The following NF1 variants were observed in gnomAD, a reference collection of about 807,000 sequenced individuals.
NF1 encodes neurofibromin.
A neutral mutation model predicts 325.7 loss-of-function variants in NF1; 122 were observed. The ratio of observed to expected loss-of-function variants is 0.37; its 90% CI spans 0.32 to 0.44. The LOEUF (loss-of-function observed/expected upper bound fraction) is 0.44, where lower values mean the gene tolerates loss of function less well. Among genes scored for constraint, NF1 ranks in the 20% least tolerant of loss-of-function variants. NF1 has a pLI of 1.00. For missense variants in NF1, 2,140 were observed against 3,415.4 expected, an observed-to-expected ratio of 0.63 and a Z score of 9.31; for synonymous variants, 1,091 against 1,186.0, an observed-to-expected ratio of 0.92 and a Z score of 1.65.
rs772807850 is a variant in NF1 at position 31,349,261 on chromosome 17, CAAAAT to C, written c.7321+14_7321+18del. 30 of 1,609,636 alleles carry C rather than the reference CAAAAT, an allele frequency of 1.9e-5. No individual in the cohort carries two copies. The highest frequency in any genetic ancestry group is 3.3e-5 in the Admixed American group (2 of 59,890). The stretch of plus-strand genomic sequence containing the variant: ...GTGGCCTACTTAGCAGGTAAAAACA[CAAAAT>C]AAACAAAATTAATCTTGCTACATCT... On this transcript the variant is annotated intron_variant, in intron 49 of 57. Coordinates refer to ENST00000358273, the MANE Select transcript of NF1 (RefSeq NM_001042492.3).
At chr17:31,186,680 A>G (rs1013290104) in intron 8 of NF1, among the ~76,000 whole-genome samples, 1 of 152,252 alleles carries the variant, frequency 6.6e-6, no homozygotes, top group African/African-American at 2.4e-5. Flanking sequence ...TCAGCAGAGA[A>G]GGATTTTAAT....
At chr17:31,147,440 CAT>C (rs981277369) in intron 1 of NF1, among the ~76,000 whole-genome samples, 2 of 152,124 alleles carry the variant, frequency 1.3e-5, no homozygotes, top group African/African-American at 4.8e-5. Context: ...TTTTAAAAAC[CAT>C]TTCTGCTATT....
chr17:31,113,482 T>A (rs1001721440), intron 1 of NF1, among the ~76,000 whole-genome samples: 5 of 152,010 alleles, frequency 3.3e-5, no homozygotes, highest in African/African-American at 1.2e-4. Context: ...GGCCTCAAGC[T>A]GTCCTCTCGC....
At chr17:31,361,080 T>TAAAAAAAA (rs1491396634) in intron 57 of NF1, 1 of 16,026 alleles carries the variant, frequency 6.2e-5, no homozygotes. Flanking sequence ...GCATACTATA[T>TAAAAAAAA]CAAAAAAAAA....
intron 56 of NF1, 189 bp downstream of exon 56, chr17:31,359,204 TG>T: frequency 1.8e-6 from 1 of 570,012 alleles, no homozygotes; most frequent in Non-Finnish European, 3.1e-6. Context: ...TGTTGGGGTG[TG>T]TGTATTCACT....
chr17:31,249,898 A>G, intron 30 of NF1: 2 of 479,886 alleles, frequency 4.2e-6, no homozygotes, highest in Non-Finnish European at 8.3e-6. Flanking sequence ...ATAGGGGTGG[A>G]TATAAGGGAA....
At chr17:31,170,201 A>G (rs1471705538) in intron 5 of NF1, among the ~76,000 whole-genome samples, 4 of 152,224 alleles carry the variant, frequency 2.6e-5, no homozygotes, top group Non-Finnish European at 5.9e-5. Flanking sequence ...TGAGCATTTT[A>G]AATCTTGGCA....
Position 31,374,098 on chromosome 17 carries a change from G to A in NF1, c.8463G>A (p.Val2821=), listed in dbSNP as rs746049685. Residue 2821 remains valine (V), a synonymous_variant, in exon 58 of 58, where the codon GTG becomes GTA. Coordinates refer to ENST00000358273, the MANE Select transcript of NF1 (RefSeq NM_001042492.3). ...GRTRHGSASQ[V]QKQRSAGSFK... Reference sequence around the variant, plus strand: ...CTCGCCACGGATCCGCAAGCCAAGTGCAGAAGCAAAGAAGCGCTGGCAGTT... The same window carrying A: ...CTCGCCACGGATCCGCAAGCCAAGTACAGAAGCAAAGAAGCGCTGGCAGTT... The A allele has an allele frequency of 1.2e-6, 2 of 1,614,110 alleles. No homozygotes were observed. Among genetic ancestry groups the A allele is most frequent in the Non-Finnish European group, 8.5e-7 (1 of 1,179,976 alleles).
At chr17:31,131,868 T>G (rs1915418020) in intron 1 of NF1, among the ~76,000 whole-genome samples, 1 of 148,204 alleles carries the variant, frequency 6.7e-6, no homozygotes, top group South Asian at 2.1e-4. Context: ...TGAAGTTGTG[T>G]CTAATATTTC....
intron 4 of NF1, among the ~76,000 whole-genome samples, chr17:31,165,597 A>T (rs2065832424): frequency 6.6e-6 from 1 of 152,148 alleles, no homozygotes; most frequent in South Asian, 2.1e-4. Flanking sequence ...GTGTTTGTCC[A>T]TTCTCCCCGT....
chr17:31,112,939 T>C (rs1248118673), intron 1 of NF1, among the ~76,000 whole-genome samples: 3 of 152,186 alleles, frequency 2.0e-5, no homozygotes, highest in Non-Finnish European at 2.9e-5. Context: ...GTGCCTGTTA[T>C]GCCAATACCA....
intron 36 of NF1, among the ~76,000 whole-genome samples, chr17:31,297,765 A>G (rs2068496782): frequency 6.6e-6 from 1 of 152,064 alleles, no homozygotes; most frequent in Admixed American, 6.5e-5. Context: ...GGTGATTATT[A>G]TGTTTAATCA....
chr17:31,295,821 T>A (rs1362366591), intron 36 of NF1: 5 of 1,614,074 alleles, frequency 3.1e-6, no homozygotes, highest in Non-Finnish European at 4.2e-6. Flanking sequence ...AGGTCCACGA[T>A]ATGTAGTTTG....
chr17:31,129,439 C>G (rs1052317268), intron 1 of NF1, among the ~76,000 whole-genome samples: 1 of 148,878 alleles, frequency 6.7e-6, no homozygotes. Context: ...TTAATACTTG[C>G]GATTGCATTA....
intron 11 of NF1, among the ~76,000 whole-genome samples, chr17:31,204,766 G>C (rs1373091461): frequency 6.6e-6 from 1 of 152,038 alleles, no homozygotes; most frequent in African/African-American, 2.4e-5. Context: ...TACGAGATGT[G>C]TTGGGTAAGG....
intron 1 of NF1, among the ~76,000 whole-genome samples, chr17:31,110,707 G>A (rs1458624029): frequency 6.6e-6 from 1 of 151,964 alleles, no homozygotes; most frequent in Non-Finnish European, 1.5e-5. Flanking sequence ...GAAAATAAAG[G>A]AAAATACGGA....
chr17:31,168,540 C>T (rs892552914), intron 4 of NF1, among the ~76,000 whole-genome samples: 1 of 152,106 alleles, frequency 6.6e-6, no homozygotes, highest in Non-Finnish European at 1.5e-5. Flanking sequence ...ATTTCTTCAC[C>T]TTGCTCTCCA....
chr17:31,374,157 G>A lies in NF1; in HGVS notation c.*2G>A, dbSNP rs1334393522. 1 of 1,613,988 alleles carries A rather than the reference G, an allele frequency of 6.2e-7. No individual in the cohort carries two copies. The highest frequency in any genetic ancestry group is 8.5e-7 in the Non-Finnish European group (1 of 1,179,914). ...AATAGCATTAAGAAGATCGTGTGAA[G>A]CTTGCTTGCTTTCTTTTTTAAAATC... On this transcript the variant is annotated 3_prime_UTR_variant, in exon 58 of 58. Transcript: ENST00000358273.
chr17:31,193,669 AAAAACAAAACAAAAC>A (rs71360765), intron 8 of NF1, among the ~76,000 whole-genome samples: 2,455 of 151,990 alleles, frequency 0.016, 81 homozygotes, highest in African/African-American at 0.056. Context: ...CTCAACAGCA[AAAAACAAAACAAAAC>A]AAAACAAAAC....
Sources: allele counts gnomAD v4.1 joint callset (sites outside exome capture counted in the v4.1 genomes callset), GRCh38; gene constraint gnomAD v4.1.1; transcripts MANE v1.5; gene names NCBI Gene and HGNC (gene_info 2026-07-23, HGNC 2026-07-21).